The following NRDE2 variants were observed in gnomAD, a reference collection of about 807,000 sequenced individuals.
The protein encoded by NRDE2 is NRDE-2, necessary for RNA interference, domain containing, also known as nuclear exosome regulator NRDE2.
A neutral mutation model predicts 124.2 loss-of-function variants in NRDE2; 76 were observed. That is an observed-to-expected ratio of 0.61 (90% CI 0.51 to 0.74). The LOEUF (loss-of-function observed/expected upper bound fraction) is 0.74. NRDE2 is among the 30% of genes least tolerant of loss of function. NRDE2 has a pLI of 0.00. For synonymous variants in NRDE2, 489 were observed against 528.1 expected (o/e 0.93, Z 1.01); for missense variants, 1,314 against 1,417.3 (o/e 0.93, Z 1.17).
intron 12 of NRDE2, 79 bp from the exon 13 acceptor site, chr14:90,279,212 G>A (rs928716481): frequency 2.1e-5 from 23 of 1,113,040 alleles, no homozygotes; most frequent in East Asian, 4.7e-5. Flanking sequence ...CCTGGATGAC[G>A]GGCACAAGCC....
intron 12 of NRDE2, among the ~76,000 whole-genome samples, chr14:90,284,180 C>G (rs970653084): frequency 3.3e-5 from 5 of 152,110 alleles, no homozygotes; most frequent in Non-Finnish European, 7.3e-5. Context: ...ATTCTGGAAT[C>G]AAAGACAGGC....
In NRDE2 at chr14:90,303,027, G is replaced by T. The variant is rs764437314; in HGVS notation, c.1104C>A (p.Ala368=). 6.2e-7 allele frequency: 1 copy of T among 1,613,966 alleles called. No homozygotes were observed. The highest frequency in any genetic ancestry group is 1.1e-5 in the South Asian group (1 of 91,078). The part of the protein sequence containing the change: ...SLKLILEKKL[A]ILERAIESNQ... ...TGCTCTCAATGGCCCGCTCCAGAAT[G>T]GCCAGCTTCTTCTCCAGAATGAGCT... Residue 368 remains alanine, a synonymous_variant, in exon 6 of 14, where the codon GCC becomes GCA. Coordinates refer to ENST00000354366, the MANE Select transcript of NRDE2 (RefSeq NM_017970.4).
chr14:90,288,430 G>A lies in NRDE2; in HGVS notation c.2945C>T (p.Pro982Leu). The change falls in exon 11 of 14, where the codon CCT becomes CTT. Residue 982 changes from proline (P) to leucine (L), a missense_variant. Physicochemically the swap from Pro to Leu is moderately conservative, Grantham distance 98. Transcript: ENST00000354366. ...HMKVSVYPLA[P>L]LREALSQALK... ...AGCCTGTGAGAGTGCCTCTCGCAGA[G>A]GGGCCAGCGGGTAAACACTCACTTT... 1 of 1,614,172 alleles carries A rather than the reference G, an allele frequency of 6.2e-7. No homozygotes were observed. The highest frequency in any genetic ancestry group is 8.5e-7 in the Non-Finnish European group (1 of 1,180,036).
intron 4 of NRDE2, 200 bp from the exon 5 acceptor site, chr14:90,304,582 A>G (rs1227452102): frequency 7.4e-6 from 4 of 543,816 alleles, no homozygotes; most frequent in South Asian, 5.5e-5. Context: ...ACTTCTTCCT[A>G]TAACACTTCA....
At chr14:90,316,115 T>C (rs1885038038) in intron 3 of NRDE2, among the ~76,000 whole-genome samples, 1 of 152,110 alleles carries the variant, frequency 6.6e-6, no homozygotes, top group East Asian at 1.9e-4. Context: ...AGGACAAATG[T>C]AACAATTATT....
At position 90,319,278 on chromosome 14, in the gene NRDE2, T is replaced by C. The variant is rs192421490; in HGVS notation, c.65-1165A>G. Among the ~76,000 whole-genome samples, 148 of 152,312 alleles carry C rather than the reference T, an allele frequency of 9.7e-4. 1 individual carries two copies. The highest frequency in any genetic ancestry group is 3.4e-3 in the African/African-American group (141 of 41,570). Reference sequence around the variant, plus strand: ...TAAAGAGGAAGAACCCGTTAAATGGTTGAAGGTACAAAAGAGGAGGGTGAC... The same window carrying C: ...TAAAGAGGAAGAACCCGTTAAATGGCTGAAGGTACAAAAGAGGAGGGTGAC... On this transcript the variant is annotated intron_variant, in intron 1 of 13. Coordinates refer to ENST00000354366, the MANE Select transcript of NRDE2 (RefSeq NM_017970.4).
Position 90,273,347 on chromosome 14 carries a change from C to CAGA in NRDE2, c.*4986_*4988dup, listed in dbSNP as rs1891717137. 6.6e-6 allele frequency: 1 copy of CAGA among 152,180 alleles called. No homozygotes were observed. Among genetic ancestry groups the CAGA allele is most frequent in the African/African-American group, 2.4e-5 (1 of 41,438 alleles). 9.4% of individuals were successfully genotyped at this position (152,180 alleles called of 1,614,324 possible). On this transcript the variant is annotated 3_prime_UTR_variant, in exon 14 of 14. Coordinates refer to ENST00000354366, the MANE Select transcript of NRDE2 (RefSeq NM_017970.4). ...AGCTGAGGCAGGCGGATCACAAGGT[C>CAGA]AGAAGTTTGAGGCCAGCCTGGCCAA...
chr14:90,289,728 C>T (rs1412903443), intron 10 of NRDE2, among the ~76,000 whole-genome samples: 1 of 152,232 alleles, frequency 6.6e-6, no homozygotes, highest in Non-Finnish European at 1.5e-5. Flanking sequence ...GCTGGGATTA[C>T]AGGCACACGC....
At chr14:90,291,303 C>T (rs1892265705) in intron 9 of NRDE2, among the ~76,000 whole-genome samples, 6 of 152,200 alleles carry the variant, frequency 3.9e-5, no homozygotes, top group Admixed American at 3.9e-4. Context: ...AAGCGGAAAT[C>T]ATAACACAAG....
Position 90,278,235 on chromosome 14 carries a change from AAGCCG to A in NRDE2, c.*96_*100del. 1 of 1,410,550 alleles carries A rather than the reference AAGCCG, an allele frequency of 7.1e-7. No homozygotes were observed. The highest frequency in any genetic ancestry group is 1.4e-5 in the African/African-American group (1 of 70,934). The allele number at this position is 1,410,550 out of a possible 1,614,324, so 87.4% of individuals were successfully genotyped here. On this transcript the variant is annotated 3_prime_UTR_variant, in exon 14 of 14. Transcript: ENST00000354366. Reference sequence around the variant, plus strand: ...TTACTATCGAGAAAGAACATTTCAAAAGCCGAGTTCTCCTAACACACACGTTCTCT... The same window carrying A: ...TTACTATCGAGAAAGAACATTTCAAAAGTTCTCCTAACACACACGTTCTCT...
At chr14:90,298,061 T>C (rs1595063584) in intron 8 of NRDE2, among the ~76,000 whole-genome samples, 199 bp downstream of exon 8, 2 of 152,288 alleles carry the variant, frequency 1.3e-5, no homozygotes, top group Middle Eastern at 3.4e-3. Flanking sequence ...CAAAGCATTA[T>C]GTACTGAAGG....
chr14:90,312,268 G>T, intron 4 of NRDE2, 126 bp downstream of exon 4: 1 of 817,804 alleles, frequency 1.2e-6, no homozygotes, highest in Non-Finnish European at 1.9e-6. Context: ...CCTGAACAAT[G>T]CAATAAATAA....
intron 1 of NRDE2, among the ~76,000 whole-genome samples, chr14:90,324,132 T>A (rs1269152544): frequency 2.0e-5 from 3 of 150,130 alleles, no homozygotes; most frequent in African/African-American, 7.4e-5. Context: ...GGAGGAGGAG[T>A]GAAGGAAATA....
Position 90,288,167 on chromosome 14 carries a change from G to C in NRDE2, c.3158+50C>G, listed in dbSNP as rs377518843. On this transcript the variant is annotated intron_variant, in intron 11 of 13. Transcript: ENST00000354366. ...CAGCAAGGTCAGGGCAACACAGCAA[G>C]CATTCCATAAACATTTGCGGGGCAC... The C allele has an allele frequency of 8.5e-4, 1,311 of 1,533,914 alleles. 1 individual carries two copies. Among genetic ancestry groups the C allele is most frequent in the Non-Finnish European group, 9.4e-4 (1,054 of 1,124,254 alleles).
chr14:90,292,552 G>C (rs1044208262), intron 9 of NRDE2, 145 bp downstream of exon 9: 3 of 811,550 alleles, frequency 3.7e-6, no homozygotes, highest in African/African-American at 1.7e-5. Flanking sequence ...CCACAGATGA[G>C]AACAGGAGCA....
chr14:90,268,376 G>A lies in NRDE2; in HGVS notation c.*9960C>T. ...TGCTGAAGAACATGCACCGTCCATC[G>A]TGTTTATTGATGAAATTGACGCCAT... On this transcript the variant is annotated 3_prime_UTR_variant, in exon 14 of 14. Coordinates refer to ENST00000354366, the MANE Select transcript of NRDE2 (RefSeq NM_017970.4). 2 of 1,613,078 alleles carry A rather than the reference G, an allele frequency of 1.2e-6. No individual in the cohort carries two copies. Among genetic ancestry groups the A allele is most frequent in the Non-Finnish European group, 1.7e-6 (2 of 1,179,710 alleles).
At chr14:90,314,830 A>C (rs1043706431) in intron 3 of NRDE2, among the ~76,000 whole-genome samples, 8 of 152,146 alleles carry the variant, frequency 5.3e-5, no homozygotes, top group African/African-American at 1.7e-4. Context: ...AAATTCAGTC[A>C]AATTCAGAAC....
intron 1 of NRDE2, among the ~76,000 whole-genome samples, chr14:90,330,928 CTTTT>C (rs776117410): frequency 3.0e-4 from 46 of 151,472 alleles, no homozygotes; most frequent in African/African-American, 1.0e-3. Flanking sequence ...TTTAGAATTA[CTTTT>C]TTTTCTTTTT....
At chr14:90,292,656 A>AC (rs768850057) in intron 9 of NRDE2, 41 bp downstream of exon 9, 4 of 1,584,826 alleles carry the variant, frequency 2.5e-6, no homozygotes, top group Non-Finnish European at 3.4e-6. Context: ...GCAGGCAGGG[A>AC]CCCCCTGGAC....
Sources: gnomAD v4.1 joint callset for allele counts (sites outside exome capture counted in the v4.1 genomes callset) on GRCh38, gnomAD v4.1.1 for gene constraint, MANE v1.5 for transcripts, NCBI Gene and HGNC (gene_info 2026-07-23, HGNC 2026-07-21) for gene names.